Variants in KANSL1 observed in about 807,000 individuals in gnomAD.
KANSL1 encodes the protein MLL1/MLL complex subunit KANSL1.
A neutral mutation model predicts 103.6 loss-of-function variants in KANSL1; 22 were observed. That is an observed-to-expected ratio of 0.21 (90% CI 0.15 to 0.30). The LOEUF (loss-of-function observed/expected upper bound fraction) is 0.30. KANSL1 is among the 10% of genes least tolerant of loss of function. The pLI is 1.00. For synonymous variants in KANSL1, 600 were observed against 527.6 expected (o/e 1.14, Z -1.88); for missense variants, 1,337 against 1,399.8 (o/e 0.96, Z 0.72).
intron 2 of KANSL1, among the ~76,000 whole-genome samples, chr17:46,160,789 C>T (rs1399379386): frequency 6.6e-6 from 1 of 152,138 alleles, no homozygotes; most frequent in Admixed American, 6.5e-5. Context: ...GGTTGGTAGA[C>T]CTCTTTTCAT....
chr17:46,050,821 T>C, intron 6 of KANSL1, 117 bp from the exon 7 acceptor site: 2 of 776,442 alleles, frequency 2.6e-6, no homozygotes, highest in East Asian at 5.4e-5. Context: ...TGCGAAGACC[T>C]TTCTAGATAC....
At chr17:46,214,778 A>G (rs2048288659) in intron 1 of KANSL1, among the ~76,000 whole-genome samples, 1 of 152,250 alleles carries the variant, frequency 6.6e-6, no homozygotes, top group Non-Finnish European at 1.5e-5. Context: ...AGTACAATAG[A>G]AGTGCTAGGT....
At chr17:46,181,883 A>T (rs1443473275) in intron 1 of KANSL1, among the ~76,000 whole-genome samples, 2 of 150,214 alleles carry the variant, frequency 1.3e-5, no homozygotes, top group Admixed American at 6.6e-5. Context: ...TCCTTCTTCT[A>T]CTTTTTTTTT....
At chr17:46,089,102 G>C (rs891847584) in intron 3 of KANSL1, among the ~76,000 whole-genome samples, 2 of 152,210 alleles carry the variant, frequency 1.3e-5, no homozygotes, top group Non-Finnish European at 2.9e-5. Context: ...ACATACATGA[G>C]TAAACCTTTA....
chr17:46,082,846 A>G (rs1260802983), intron 3 of KANSL1, among the ~76,000 whole-genome samples: 1 of 152,168 alleles, frequency 6.6e-6, no homozygotes, highest in Admixed American at 6.5e-5. Context: ...CATTTATACC[A>G]TATTACTAGA....
intron 2 of KANSL1, chr17:46,152,754 T>C (rs1420101645): frequency 6.6e-6 from 1 of 152,222 alleles, no homozygotes; most frequent in Admixed American, 6.5e-5. Context: ...AGTTACTGGT[T>C]TTTATACCTT....
chr17:46,223,210 C>T (rs1428342123), intron 1 of KANSL1: 3 of 152,200 alleles, frequency 2.0e-5, no homozygotes, highest in Non-Finnish European at 4.4e-5. Context: ...CCCTAATATA[C>T]TATATGAAGT....
intron 2 of KANSL1, among the ~76,000 whole-genome samples, chr17:46,129,407 G>A (rs956792380): frequency 2.6e-5 from 4 of 152,194 alleles, no homozygotes; most frequent in Non-Finnish European, 5.9e-5. Context: ...AAAATGGAAC[G>A]TATATATATA....
intron 2 of KANSL1, among the ~76,000 whole-genome samples, chr17:46,123,155 T>G (rs1219066877): frequency 6.6e-6 from 1 of 152,188 alleles, no homozygotes; most frequent in Non-Finnish European, 1.5e-5. Flanking sequence ...GGCAGGCGGA[T>G]CACCTGAGGT....
chr17:46,056,585 T>A (rs1030740569), intron 6 of KANSL1, among the ~76,000 whole-genome samples: 1 of 112,842 alleles, frequency 8.9e-6, no homozygotes, highest in African/African-American at 2.6e-5. Context: ...GTATAGCTAC[T>A]GATAGAACAT....
chr17:46,092,591 T>A (rs1445353377), intron 3 of KANSL1, among the ~76,000 whole-genome samples: 5 of 152,044 alleles, frequency 3.3e-5, no homozygotes. Flanking sequence ...AAAAACCAAC[T>A]GGGAAATATT....
intron 2 of KANSL1, among the ~76,000 whole-genome samples, chr17:46,142,409 G>T (rs996484369): frequency 6.6e-6 from 1 of 152,178 alleles, no homozygotes; most frequent in Non-Finnish European, 1.5e-5. Flanking sequence ...GAGTCCAGGA[G>T]TTTGAGACCA....
chr17:46,122,128 C>A (rs1336771730), intron 2 of KANSL1, among the ~76,000 whole-genome samples: 1 of 152,206 alleles, frequency 6.6e-6, no homozygotes, highest in African/African-American at 2.4e-5. Context: ...AGGTGACATA[C>A]AGGTGCTAGC....
At position 46,031,457 on chromosome 17, in the gene KANSL1, T is replaced by C. The variant is rs1449330951; in HGVS notation, c.*19A>G. ...TAATGCCAATAGTTAGTGAGTCTGTTTAGATGGCTGTCTCCCGCTCATCTG... is the reference window on the plus strand; with the variant it reads ...TAATGCCAATAGTTAGTGAGTCTGTCTAGATGGCTGTCTCCCGCTCATCTG... On this transcript the variant is annotated 3_prime_UTR_variant, in exon 15 of 15. Transcript: ENST00000432791. 1.3e-6 allele frequency: 2 copies of C among 1,578,238 alleles called. No homozygotes were observed. Among genetic ancestry groups the C allele is most frequent in the East Asian group, 2.3e-5 (1 of 43,998 alleles).
chr17:46,171,843 C>T lies in KANSL1; in HGVS notation c.301G>A (p.Val101Ile), dbSNP rs760506954. 1.9e-6 allele frequency: 3 copies of T among 1,614,202 alleles called. No individual in the cohort carries two copies. The highest frequency in any genetic ancestry group is 1.7e-5 in the Admixed American group (1 of 60,036). ...PSKESLKLQGVFSKQTVLKSH... is the reference protein window; with the variant it reads ...PSKESLKLQGIFSKQTVLKSH... ...TTAAGGACTGTCTGCTTGCTGAAGA[C>T]CCCTTGCAACTTCAAAGACTCCTTT... The change falls in exon 2 of 15, where the codon GTC (valine) becomes ATC (isoleucine). Residue 101 changes from valine to isoleucine, a missense_variant. Physicochemically the swap from Val to Ile is conservative, Grantham distance 29. Around this residue, in one of 2 missense-constraint regions of KANSL1, gnomAD observed 557 missense variants for 476.4 expected, o/e 1.17. Transcript: ENST00000432791.
intron 3 of KANSL1, among the ~76,000 whole-genome samples, chr17:46,082,902 T>C (rs1015238248): frequency 2.0e-5 from 3 of 152,164 alleles, no homozygotes; most frequent in Admixed American, 2.0e-4. Context: ...AGCCAACAAA[T>C]GCAGTTTATG....
At chr17:46,037,757 C>CCATTA (rs1160061873) in intron 10 of KANSL1, 1 of 152,198 alleles carries the variant, frequency 6.6e-6, no homozygotes, top group Non-Finnish European at 1.5e-5. Context: ...TTTACATTTA[C>CCATTA]CATTACATTA....
At chr17:46,117,064 C>T (rs1339552620) in intron 2 of KANSL1, among the ~76,000 whole-genome samples, 1 of 152,116 alleles carries the variant, frequency 6.6e-6, no homozygotes, top group Non-Finnish European at 1.5e-5. Flanking sequence ...GACACTTCTC[C>T]CAATGAGAGG....
chr17:46,081,628 G>A (rs2078992004), intron 4 of KANSL1, among the ~76,000 whole-genome samples: 1 of 152,146 alleles, frequency 6.6e-6, no homozygotes, highest in Admixed American at 6.5e-5. Flanking sequence ...ACCACATCAT[G>A]CGTTCCTGCT....
Sources: gnomAD v4.1 joint callset for allele counts (sites outside exome capture counted in the v4.1 genomes callset) on GRCh38, gnomAD v4.1.1 for gene constraint, gnomAD v4.1.1 regional missense constraint, MANE v1.5 for transcripts, NCBI Gene and HGNC (gene_info 2026-07-23, HGNC 2026-07-21) for gene names.